The following LIPC variants were observed in gnomAD, a reference collection of about 807,000 sequenced individuals.
The protein encoded by LIPC is hepatic triacylglycerol lipase.
LIPC carries 44 observed loss-of-function variants against 50.7 expected under a neutral mutation model. That is an observed-to-expected ratio of 0.87 (90% CI 0.68 to 1.11). The LOEUF is 1.11. LIPC is among the 50% of genes most tolerant of loss of function. The pLI, the probability that LIPC is intolerant of heterozygous loss-of-function variation, is 0.00. For synonymous variants in LIPC, 271 were observed against 256.4 expected (o/e 1.06, Z -0.54); for missense variants, 697 against 648.2 (o/e 1.08, Z -0.82).
chr15:58,538,560 T>G, intron 2 of LIPC, 43 bp downstream of exon 2: 1 of 1,578,634 alleles, frequency 6.3e-7, no homozygotes, highest in South Asian at 1.1e-5. Flanking sequence ...GATTTCACAT[T>G]TTCTTTTTTT....
intron 1 of LIPC, among the ~76,000 whole-genome samples, chr15:58,449,084 G>T (rs1228860016): frequency 6.6e-6 from 1 of 152,128 alleles, no homozygotes; most frequent in East Asian, 1.9e-4. Context: ...ACACAGGTGG[G>T]AGCCCAGGGG....
chr15:58,534,739 A>G lies in LIPC; in HGVS notation c.89-3594A>G, dbSNP rs560014472. Reference sequence around the variant, plus strand: ...CTTTGATGTGGCCAAAAAGAAGCTCAGAAAAAAATCTGTGGCCCATCTTCA... The same window carrying G: ...CTTTGATGTGGCCAAAAAGAAGCTCGGAAAAAAATCTGTGGCCCATCTTCA... On this transcript the variant is annotated intron_variant, in intron 1 of 8. Transcript: ENST00000299022. Among the ~76,000 whole-genome samples, 10 of 152,342 alleles carry G rather than the reference A, an allele frequency of 6.6e-5. No homozygotes were observed. The South Asian group carries it at 1.7e-3, about 25-fold the overall frequency.
chr15:58,518,890 T>A (rs1041072211), intron 1 of LIPC, among the ~76,000 whole-genome samples: 22 of 150,734 alleles, frequency 1.5e-4, no homozygotes, highest in Non-Finnish European at 2.9e-4. Context: ...GTTGTAAACA[T>A]AATAGACACT....
chr15:58,550,420 C>A (rs939318054), intron 6 of LIPC, among the ~76,000 whole-genome samples: 17 of 152,174 alleles, frequency 1.1e-4, no homozygotes, highest in African/African-American at 3.9e-4. Context: ...ATGAACCAGG[C>A]TGAGCTTCTC....
intron 6 of LIPC, among the ~76,000 whole-genome samples, chr15:58,550,567 TACTC>T (rs1368837267): frequency 6.6e-6 from 1 of 152,110 alleles, no homozygotes; most frequent in Non-Finnish European, 1.5e-5. Flanking sequence ...AAAACCAACG[TACTC>T]ATCCATCCGT....
At chr15:58,501,692 TA>T (rs1352016227) in intron 1 of LIPC, among the ~76,000 whole-genome samples, 11 of 152,334 alleles carry the variant, frequency 7.2e-5, no homozygotes, top group Non-Finnish European at 2.9e-5. Flanking sequence ...ATACCATTTT[TA>T]AATCTCTACA....
chr15:58,465,509 A>C (rs1294960542), intron 1 of LIPC, among the ~76,000 whole-genome samples: 3 of 152,206 alleles, frequency 2.0e-5, no homozygotes, highest in African/African-American at 7.2e-5. Context: ...GACATGACTG[A>C]CATGTAGGGC....
Position 58,536,180 on chromosome 15 carries a change from G to T in LIPC, c.89-2153G>T, listed in dbSNP as rs146415016. Among the ~76,000 whole-genome samples, 808 of 152,332 alleles carry T rather than the reference G, an allele frequency of 5.3e-3. 8 individuals are homozygous for T. The highest frequency in any genetic ancestry group is 0.019 in the African/African-American group (773 of 41,570). On this transcript the variant is annotated intron_variant, in intron 1 of 8. Transcript: ENST00000299022. ...TAGATGAGAAGGCTTCCTGGAGGCT[G>T]TGAAGTCTCAGTTCCATTTTAATGA...
intron 8 of LIPC, chr15:58,564,157 T>TCTCTCC: frequency 5.0e-6 from 1 of 201,080 alleles, no homozygotes; most frequent in Non-Finnish European, 1.0e-5. Context: ...GATGTATCTC[T>TCTCTCC]CTCTCTCTCT....
At chr15:58,488,370 A>G (rs1043720704) in intron 1 of LIPC, among the ~76,000 whole-genome samples, 1 of 152,228 alleles carries the variant, frequency 6.6e-6, no homozygotes, top group Admixed American at 6.5e-5. Context: ...ATGGAGGCAC[A>G]TGCCTCAGTT....
chr15:58,486,218 T>G (rs781505248), intron 1 of LIPC, among the ~76,000 whole-genome samples: 8 of 152,154 alleles, frequency 5.3e-5, no homozygotes, highest in Non-Finnish European at 8.8e-5. Flanking sequence ...GCCTGGAGAG[T>G]CCCACTCCTT....
At chr15:58,485,213 G>A (rs1390622664) in intron 1 of LIPC, among the ~76,000 whole-genome samples, 2 of 152,182 alleles carry the variant, frequency 1.3e-5, no homozygotes, top group African/African-American at 4.8e-5. Flanking sequence ...CCCCGGGGGA[G>A]GCAGCAGCAA....
chr15:58,493,760 T>C (rs911898251), intron 1 of LIPC, among the ~76,000 whole-genome samples: 18 of 148,706 alleles, frequency 1.2e-4, no homozygotes, highest in Admixed American at 1.0e-3. Context: ...ATCTATAATA[T>C]TTATATATTT....
At chr15:58,524,358 G>A (rs557488806) in intron 1 of LIPC, among the ~76,000 whole-genome samples, 1 of 152,222 alleles carries the variant, frequency 6.6e-6, no homozygotes, top group Non-Finnish European at 1.5e-5. Flanking sequence ...CACTTGGGAT[G>A]TTTCCAGTAT....
chr15:58,536,643 G>A (rs1893132922), intron 1 of LIPC, among the ~76,000 whole-genome samples: 2 of 152,162 alleles, frequency 1.3e-5, no homozygotes, highest in South Asian at 4.1e-4. Context: ...GGCTAGGTTG[G>A]AAGCAGGCTT....
chr15:58,446,453 C>T (rs1195273915), intron 1 of LIPC, among the ~76,000 whole-genome samples: 1 of 152,168 alleles, frequency 6.6e-6, no homozygotes, highest in African/African-American at 2.4e-5. Flanking sequence ...CCAATTTTCC[C>T]AGTTGTCCCA....
rs1169668950 is a variant in LIPC, at chr15:58,439,975, C to T, written c.88+7855C>T. ...CAACACGAGGCTACAGGGCAAACCT[C>T]ACTTCACTTCTAACTTTCTAGGGTT... On this transcript the variant is annotated intron_variant, in intron 1 of 8. Transcript: ENST00000299022. Among the ~76,000 whole-genome samples the T allele has an allele frequency of 3.9e-5, 6 of 152,178 alleles. No homozygotes were observed. The East Asian group carries it at 1.2e-3, about 29-fold the overall frequency.
At position 58,541,828 on chromosome 15, in the gene LIPC, C is replaced by G; in HGVS notation, c.317C>G (p.Ala106Gly). ...LENWIWQMVA[A>G]LKSQPAQPVN... ...AACTGGATCTGGCAGATGGTGGCCG[C>G]GCTGAAGTCTCAGCCGGCCCAGCCA... The change falls in exon 3 of 9, where the codon GCG (alanine) becomes GGG (glycine). Residue 106 changes from alanine to glycine, a missense_variant. Coordinates refer to ENST00000299022, the MANE Select transcript of LIPC (RefSeq NM_000236.3). The G allele has an allele frequency of 6.2e-7, 1 of 1,613,328 alleles. No individual in the cohort carries two copies. Among genetic ancestry groups the G allele is most frequent in the Non-Finnish European group, 8.5e-7 (1 of 1,179,922 alleles).
intron 1 of LIPC, among the ~76,000 whole-genome samples, chr15:58,498,038 GC>G (rs1270235755): frequency 6.6e-6 from 1 of 152,162 alleles, no homozygotes; most frequent in East Asian, 1.9e-4. Context: ...AGCTCAACAT[GC>G]CTTGCACACA....
Sources: allele counts gnomAD v4.1 joint callset (sites outside exome capture counted in the v4.1 genomes callset), GRCh38; gene constraint gnomAD v4.1.1; transcripts MANE v1.5; gene names NCBI Gene and HGNC (gene_info 2026-07-23, HGNC 2026-07-21).